PWWP2A: variants seen among roughly 807,000 people sequenced by gnomAD.
PWWP2A encodes PWWP domain containing 2A.
Under a neutral mutation model 48.5 loss-of-function variants are expected in PWWP2A, and 18 were observed. The observed-to-expected ratio is 0.37, with a 90% CI of 0.26 to 0.55. The LOEUF (loss-of-function observed/expected upper bound fraction) is 0.55, where lower values mean the gene tolerates loss of function less well. PWWP2A is among the 20% of genes least tolerant of loss of function. The pLI, the probability that PWWP2A is intolerant of heterozygous loss-of-function variation, is 0.81. For synonymous variants in PWWP2A, 396 were observed against 387.7 expected (o/e 1.02, Z -0.25); for missense variants, 867 against 976.4 (o/e 0.89, Z 1.49).
intron 1 of PWWP2A, among the ~76,000 whole-genome samples, chr5:160,107,980 G>A (rs755373085): frequency 8.6e-5 from 13 of 151,426 alleles, no homozygotes; most frequent in Non-Finnish European, 1.9e-4. Context: ...TGGCCTGGGC[G>A]ACAAAAGCGA....
intron 1 of PWWP2A, among the ~76,000 whole-genome samples, chr5:160,097,166 G>A (rs1026971605): frequency 3.3e-5 from 5 of 151,476 alleles, no homozygotes; most frequent in Non-Finnish European, 5.9e-5. Context: ...GGAAGACTCC[G>A]TGTTTCTACA....
At chr5:160,049,804 G>A in the PWWP2A span, 25 of 729,646 alleles carry the variant, frequency 3.4e-5, no homozygotes, top group Admixed American at 2.3e-4. Context: ...GAGGCCAGGC[G>A]CAGTGGCTCT....
chr5:160,093,124 C>T lies in PWWP2A; in HGVS notation c.1526G>A (p.Arg509His), dbSNP rs758270619. The change falls in exon 2 of 2, where the codon CGC becomes CAC. Residue 509 changes from arginine to histidine, a missense_variant. Physicochemically the swap from Arg to His is conservative, Grantham distance 29 (BLOSUM62 0). Transcript: ENST00000307063. This position sits in a 1 kb window ranked among gnomAD's most constrained non-coding sequence, Gnocchi z 5.8. ...SGKMAPKPQS[R>H]CTSTRSAGEA... ...ACCTGCTGAGCGGGTAGAGGTGCAG[C>T]GAGACTGGGGCTTGGGTGCCATCTT... 20 of 1,613,720 alleles carry T rather than the reference C, an allele frequency of 1.2e-5. No homozygotes were observed. Among genetic ancestry groups the T allele is most frequent in the South Asian group, 1.2e-4 (11 of 91,070 alleles).
chr5:160,047,543 C>T, the PWWP2A span, among the ~76,000 whole-genome samples: 1 of 152,150 alleles, frequency 6.6e-6, no homozygotes, highest in Non-Finnish European at 1.5e-5. Flanking sequence ...TCAGTCTTGC[C>T]CCACCCGCCA....
Position 160,118,961 on chromosome 5 carries a change from A to C in PWWP2A, c.428T>G (p.Leu143Arg). The C allele has an allele frequency of 3.1e-6, 5 of 1,598,192 alleles. No homozygotes were observed. The highest frequency in any genetic ancestry group is 1.7e-6 in the Non-Finnish European group (2 of 1,174,074). The change falls in exon 1 of 2, where the codon CTC (leucine) becomes CGC (arginine). Residue 143 changes from leucine (L) to arginine (R), a missense_variant. Physicochemically the swap from Leu to Arg is moderately radical, Grantham distance 102 (BLOSUM62 -2). Transcript: ENST00000307063. ...GGAGTCCCCGCCCGCCGGCGGCACG[A>C]GCGCCGGGGCTACGGGCTGAGGCAG... ...PPLPQPVAPA[L>R]VPPAGGDSTV...
In PWWP2A at chr5:160,092,387, T is replaced by A; in HGVS notation, c.2263A>T (p.Thr755Ser). Reference protein sequence around the residue: ...EVRALLTQFET With the variant: ...EVRALLTQFES ...GCCTACCTTACTGCCCATGTTCACG[T>A]TTCAAACTGTGTCAACAAAGCCCGC... Residue 755 changes from threonine to serine, a missense_variant, in exon 2 of 2, where the codon ACG becomes TCG. Thr to Ser is a moderately conservative substitution (Grantham distance 58). Coordinates refer to ENST00000307063, the MANE Select transcript of PWWP2A (RefSeq NM_001130864.2). The A allele has an allele frequency of 4.5e-6, 7 of 1,541,344 alleles. No homozygotes were observed. The South Asian group carries it at 8.4e-5, about 19-fold the overall frequency.
chr5:160,092,013 G>GATATATATATATATTTATATATATATAT lies in PWWP2A; in HGVS notation c.*368_*369insATATATATATATAAATATATATATATAT, dbSNP rs138372919. 1 of 310,614 alleles carries GATATATATATATATTTATATATATATAT rather than the reference G, an allele frequency of 3.2e-6. No homozygotes were observed. The highest frequency in any genetic ancestry group is 4.2e-6 in the Non-Finnish European group (1 of 236,536). 19.2% of individuals were successfully genotyped at this position (310,614 alleles called of 1,614,324 possible). A position where few individuals can be genotyped will look rare whatever the true frequency, so the allele number is the denominator to read the frequency against. On this transcript the variant is annotated 3_prime_UTR_variant, in exon 2 of 2. Coordinates refer to ENST00000307063, the MANE Select transcript of PWWP2A (RefSeq NM_001130864.2). ...ATATGTGTGTATATATACATACACGGATATATATATATACACACACACACA... is the reference window on the plus strand; with the variant it reads ...ATATGTGTGTATATATACATACACGGATATATATATATATTTATATATATATATATATATATATATACACACACACACA...
chr5:160,088,690 C>A (rs1437236077), downstream of PWWP2A, among the ~76,000 whole-genome samples: 2 of 152,206 alleles, frequency 1.3e-5, no homozygotes, highest in Non-Finnish European at 2.9e-5. Flanking sequence ...TCACTAGGCA[C>A]AAATTCCTGA....
rs549764392 is a variant in PWWP2A, at chr5:160,092,987, A to G, written c.1663T>C (p.Leu555=). ...VPGDQDEPQT[L]GKKGSKNNIS... is the part of the protein sequence containing the mutation. ...TTGTTTTTGCTGCCCTTTTTGCCCA[A>G]TGTCTGTGGTTCATCCTGATCACCA... Residue 555 remains leucine, a synonymous_variant, in exon 2 of 2, where the codon TTG becomes CTG. Coordinates refer to ENST00000307063, the MANE Select transcript of PWWP2A (RefSeq NM_001130864.2). 17 of 1,567,420 alleles carry G rather than the reference A, an allele frequency of 1.1e-5. 1 individual carries two copies. The highest frequency in any genetic ancestry group is 3.3e-4 in the Middle Eastern group (2 of 6,004).
At chr5:160,108,759 TAC>T (rs1757150945) in intron 1 of PWWP2A, 12 of 399,966 alleles carry the variant, frequency 3.0e-5, no homozygotes, top group Admixed American at 1.8e-4. Context: ...TACCCCCATG[TAC>T]ACACACACAG....
chr5:160,055,704 G>A, the PWWP2A span, among the ~76,000 whole-genome samples: 3 of 152,216 alleles, frequency 2.0e-5, no homozygotes, highest in Admixed American at 2.0e-4. Context: ...GTTGAGAGAC[G>A]GAGTATAGAG....
chr5:160,060,273 G>A (rs1253900109), downstream of PWWP2A, among the ~76,000 whole-genome samples: 55 of 152,208 alleles, frequency 3.6e-4, no homozygotes, highest in Admixed American at 3.5e-3. Context: ...ACTGCCTGAT[G>A]CACAGTCAGT....
At chr5:160,108,563 G>A (rs1430665197) in intron 1 of PWWP2A, 1 of 1,286,542 alleles carries the variant, frequency 7.8e-7, no homozygotes. Flanking sequence ...CAGAATGGCT[G>A]TATATTTTTC....
At chr5:160,105,751 G>T in intron 1 of PWWP2A, 2 of 403,390 alleles carry the variant, frequency 5.0e-6, no homozygotes, top group Non-Finnish European at 6.6e-6. Context: ...CTCCAGACTG[G>T]GTGACAGAAT....
rs547278430 is a variant in PWWP2A, at chr5:160,078,243, T to C, written c.1670-75A>G. The C allele has an allele frequency of 1.7e-6, 2 of 1,202,012 alleles. No homozygotes were observed. Among genetic ancestry groups the C allele is most frequent in the Admixed American group, 4.0e-5 (2 of 50,534 alleles). The allele number at this position is 1,202,012 out of a possible 1,614,324, so 74.5% of individuals were successfully genotyped here. ...TATATGAGGAAAATGATGTCCTTGTTGTTTAAGCCCTACATAGATTGTGGG... is the reference window on the plus strand; with the variant it reads ...TATATGAGGAAAATGATGTCCTTGTCGTTTAAGCCCTACATAGATTGTGGG... On this transcript the variant is annotated intron_variant, in intron 3 of 3. Transcript: ENST00000456329. The surrounding 1 kb of genome is among the most constrained non-coding windows in gnomAD (Gnocchi z 4.2).
At chr5:160,109,797 ATATATATATAT>A (rs1561698742) in intron 1 of PWWP2A, among the ~76,000 whole-genome samples, 43 of 129,550 alleles carry the variant, frequency 3.3e-4, no homozygotes, top group African/African-American at 1.1e-3. Flanking sequence ...ATATATATAT[ATATATATATAT>A]AAAATAATAT....
In PWWP2A at chr5:160,078,554, T is replaced by C. The variant is rs1010612394; in HGVS notation, c.1670-386A>G. Among the ~76,000 whole-genome samples the C allele has an allele frequency of 2.0e-5, 3 of 152,208 alleles. No individual in the cohort carries two copies. The highest frequency in any genetic ancestry group is 4.8e-5 in the African/African-American group (2 of 41,454). On this transcript the variant is annotated intron_variant, in intron 3 of 3. Transcript: ENST00000456329. This position sits in a 1 kb window ranked among gnomAD's most constrained non-coding sequence, Gnocchi z 4.2. ...GTGCTCTGAGAGTCAGCTTAGTTGC[T>C]GGGGACTGCTATGAAGCACCAACAG...
chr5:160,083,892 G>T (rs1410729529), intron 2 of PWWP2A, among the ~76,000 whole-genome samples: 1 of 152,136 alleles, frequency 6.6e-6, no homozygotes, highest in Admixed American at 6.5e-5. Context: ...GTTAACACAG[G>T]TCTCCTTTAA....
At chr5:160,052,357 A>G in the PWWP2A span, among the ~76,000 whole-genome samples, 1 of 152,050 alleles carries the variant, frequency 6.6e-6, no homozygotes, top group Non-Finnish European at 1.5e-5. Flanking sequence ...TTAGTCAGGC[A>G]TGGTGGCATG....
Sources: gnomAD v4.1 joint callset for allele counts (sites outside exome capture counted in the v4.1 genomes callset) on GRCh38, gnomAD v4.1.1 for gene constraint, Gnocchi (gnomAD v3.1) non-coding constraint, MANE v1.5 for transcripts, NCBI Gene and HGNC (gene_info 2026-07-23, HGNC 2026-07-21) for gene names.